Variants in NTM observed in about 807,000 individuals in gnomAD.
NTM encodes the protein neurotrimin.
NTM carries 13 observed loss-of-function variants against 42.1 expected under a neutral mutation model. That is an observed-to-expected ratio of 0.31 (90% CI 0.20 to 0.49). The LOEUF (loss-of-function observed/expected upper bound fraction) is 0.49. Among genes scored for constraint, NTM ranks in the 20% least tolerant of loss-of-function variants. NTM has a pLI of 0.99. For missense variants in NTM, 373 were observed against 452.8 expected (o/e 0.82, Z 1.60); for synonymous variants, 187 against 179.2 (o/e 1.04, Z -0.35).
chr11:132,061,735 G>A (rs2080708072), intron 2 of NTM, among the ~76,000 whole-genome samples: 2 of 152,158 alleles, frequency 1.3e-5, no homozygotes, highest in African/African-American at 4.8e-5. Context: ...TGTCACAGGA[G>A]ACCTCAGGCA....
At position 131,683,343 on chromosome 11, in the gene NTM, C is replaced by T. The variant is rs73583668; in HGVS notation, c.83-228221C>T. ...GCCCCTTCGGCAGGGCTGTCTGCAGCGGGGCACTGTGCAGGGTGCACGGGA... is the reference window on the plus strand; with the variant it reads ...GCCCCTTCGGCAGGGCTGTCTGCAGTGGGGCACTGTGCAGGGTGCACGGGA... On this transcript the variant is annotated intron_variant, in intron 1 of 8. Transcript: ENST00000683400. Among the ~76,000 whole-genome samples the T allele has an allele frequency of 9.3e-3, 1,423 of 152,314 alleles. 28 individuals carry two copies. Among genetic ancestry groups the T allele is most frequent in the African/African-American group, 0.032 (1,334 of 41,578 alleles).
intron 1 of NTM, among the ~76,000 whole-genome samples, chr11:131,432,845 T>TTTTTTTTTTTTTTTTG (rs1948781474): frequency 8.1e-5 from 1 of 12,288 alleles, no homozygotes; most frequent in African/African-American, 2.9e-4. Flanking sequence ...CATTCTTTTT[T>TTTTTTTTTTTTTTTTG]TTTTTTTTTT....
chr11:132,013,105 T>A (rs1160207221), intron 2 of NTM, among the ~76,000 whole-genome samples: 1 of 151,224 alleles, frequency 6.6e-6, no homozygotes, highest in African/African-American at 2.5e-5. Flanking sequence ...CACTGACATG[T>A]AGTAAAGGAA....
At chr11:131,564,739 C>T (rs1052616486) in intron 1 of NTM, among the ~76,000 whole-genome samples, 9 of 152,094 alleles carry the variant, frequency 5.9e-5, no homozygotes, top group African/African-American at 1.9e-4. Context: ...TGAGATCTAG[C>T]CCCTTAACAA....
At chr11:132,056,184 C>A (rs890637835) in intron 2 of NTM, among the ~76,000 whole-genome samples, 4 of 152,134 alleles carry the variant, frequency 2.6e-5, no homozygotes, top group African/African-American at 7.2e-5. Flanking sequence ...TCAGTAAATA[C>A]CAAACCATGA....
In NTM at chr11:131,417,805, A is replaced by G. The variant is rs116247580; in HGVS notation, c.82+46917A>G. ...TAATCCCCAAGAAGGAAGTCAGTCA[A>G]TGATTTTCTTTCCCTTGATCCACAA... On this transcript the variant is annotated intron_variant, in intron 1 of 8. Transcript: ENST00000683400. Among the ~76,000 whole-genome samples, 201 of 152,324 alleles carry G rather than the reference A, an allele frequency of 1.3e-3. 1 individual carries two copies. The highest frequency in any genetic ancestry group is 4.5e-3 in the African/African-American group (189 of 41,592).
At chr11:132,238,271 A>G (rs1176499044) in intron 4 of NTM, among the ~76,000 whole-genome samples, 2 of 152,166 alleles carry the variant, frequency 1.3e-5, no homozygotes, top group African/African-American at 4.8e-5. Flanking sequence ...AGATGTGTGC[A>G]TAAGATGGGG....
At chr11:132,261,855 C>T (rs2092877204) in intron 4 of NTM, among the ~76,000 whole-genome samples, 1 of 152,212 alleles carries the variant, frequency 6.6e-6, no homozygotes, top group Non-Finnish European at 1.5e-5. Context: ...AGTGGGGAAA[C>T]TTTGCACGAA....
chr11:131,767,264 T>C (rs1339639710), intron 1 of NTM: 1 of 325,928 alleles, frequency 3.1e-6, no homozygotes, highest in African/African-American at 2.2e-5. Context: ...TAAACAAGAA[T>C]ATCCATGCTT....
chr11:131,378,302 A>G (rs1181219718), intron 1 of NTM, among the ~76,000 whole-genome samples: 1 of 152,194 alleles, frequency 6.6e-6, no homozygotes, highest in African/African-American at 2.4e-5. Context: ...AAACACTTGG[A>G]CTAAGAGATT....
chr11:131,826,090 C>T (rs10894455), intron 1 of NTM, among the ~76,000 whole-genome samples: 108,128 of 151,894 alleles, frequency 0.71, 39,183 homozygotes, highest in East Asian at 0.86. Flanking sequence ...CTTTATAGGA[C>T]GATAATGAAG....
At chr11:131,922,652 C>T (rs888130392) in intron 2 of NTM, among the ~76,000 whole-genome samples, 1 of 152,194 alleles carries the variant, frequency 6.6e-6, no homozygotes, top group African/African-American at 2.4e-5. Flanking sequence ...GCAAAGCCAC[C>T]ACCGTCTCTC....
chr11:132,088,578 A>T (rs1594547651), intron 2 of NTM, among the ~76,000 whole-genome samples: 1 of 152,192 alleles, frequency 6.6e-6, no homozygotes, highest in East Asian at 1.9e-4. Flanking sequence ...ACCACATACG[A>T]GTGGAAGAAG....
intron 1 of NTM, among the ~76,000 whole-genome samples, chr11:131,721,996 CAAAAAAAAAAAA>C (rs71475771): frequency 1.9e-4 from 2 of 10,286 alleles, no homozygotes; most frequent in Non-Finnish European, 4.4e-4. Flanking sequence ...AACTCTGTCT[CAAAAAAAAAAAA>C]AAAAAAAAAA....
chr11:132,082,536 GGCAT>G, intron 2 of NTM, among the ~76,000 whole-genome samples: 1 of 152,320 alleles, frequency 6.6e-6, no homozygotes, highest in South Asian at 2.1e-4. Context: ...TTCCATCATG[GGCAT>G]GATTAGGCAA....
At chr11:132,324,783 C>T (rs2095644682) in intron 7 of NTM, among the ~76,000 whole-genome samples, 2 of 148,728 alleles carry the variant, frequency 1.3e-5, no homozygotes, top group African/African-American at 5.0e-5. Flanking sequence ...TACAAGGCTA[C>T]AGTAACCAAA....
chr11:131,836,514 T>C (rs541681480), intron 1 of NTM, among the ~76,000 whole-genome samples: 1 of 152,326 alleles, frequency 6.6e-6, no homozygotes, highest in South Asian at 2.1e-4. Context: ...GTTTTCTAAA[T>C]CATATTAATC....
chr11:132,125,711 A>G, intron 2 of NTM, among the ~76,000 whole-genome samples: 3 of 224 alleles, frequency 0.013, no homozygotes, highest in Non-Finnish European at 0.021. Flanking sequence ...TGTGGTGTGT[A>G]GTGTGTGGTG....
At chr11:132,053,782 C>T (rs2079189102) in intron 2 of NTM, among the ~76,000 whole-genome samples, 1 of 152,206 alleles carries the variant, frequency 6.6e-6, no homozygotes, top group Non-Finnish European at 1.5e-5. Context: ...AAGCAGAAGG[C>T]ACTTAATGTA....
Sources: allele counts gnomAD v4.1 joint callset (sites outside exome capture counted in the v4.1 genomes callset), GRCh38; gene constraint gnomAD v4.1.1; transcripts MANE v1.5; gene names NCBI Gene and HGNC (gene_info 2026-07-23, HGNC 2026-07-21).